CSMD1: variants seen among roughly 807,000 people sequenced by gnomAD.
The protein encoded by CSMD1 is CUB and Sushi multiple domains 1.
In CSMD1, 213 loss-of-function variants were observed where a neutral mutation model predicts 417.5. The ratio of observed to expected loss-of-function variants is 0.51; its 90% CI spans 0.46 to 0.57. CSMD1 has a LOEUF of 0.57. Ranked by LOEUF, CSMD1 falls within the 20% of genes least tolerant of loss-of-function variation. The probability of loss-of-function intolerance (pLI) is 0.00; values close to 1 mark genes in which losing one functional copy is unlikely to be tolerated. For missense variants in CSMD1, 6,923 were observed against 4,529.7 expected (o/e 1.53, Z -15.17); for synonymous variants, 2,862 against 1,736.8 (o/e 1.65, Z -16.11).
At chr8:3,478,773 T>A (rs1234160432) in intron 11 of CSMD1, among the ~76,000 whole-genome samples, 5 of 152,174 alleles carry the variant, frequency 3.3e-5, no homozygotes, top group Non-Finnish European at 7.3e-5. Context: ...GAAGTCTTCA[T>A]GTTCCTTGTG....
intron 12 of CSMD1, among the ~76,000 whole-genome samples, chr8:3,467,924 G>C (rs866454902): frequency 1.3e-5 from 2 of 152,264 alleles, no homozygotes; most frequent in Middle Eastern, 3.4e-3. Context: ...AATTCAAAAA[G>C]TAGAATAAAA....
At chr8:3,970,255 C>T (rs973299324) in intron 5 of CSMD1, among the ~76,000 whole-genome samples, 1 of 152,202 alleles carries the variant, frequency 6.6e-6, no homozygotes, top group African/African-American at 2.4e-5. Context: ...ACTAAACAGA[C>T]CAGAACGCTG....
At chr8:3,066,683 G>A (rs893329630) in intron 49 of CSMD1, among the ~76,000 whole-genome samples, 2 of 152,146 alleles carry the variant, frequency 1.3e-5, no homozygotes, top group African/African-American at 4.8e-5. Flanking sequence ...AAATGGCTCT[G>A]TAGATTCCAA....
At chr8:3,573,058 G>C (rs1192570171) in intron 10 of CSMD1, among the ~76,000 whole-genome samples, 3 of 152,058 alleles carry the variant, frequency 2.0e-5, no homozygotes, top group Non-Finnish European at 4.4e-5. Flanking sequence ...AAATTAATGA[G>C]ATGGCTTAGT....
chr8:3,790,171 A>T (rs1330769450), intron 5 of CSMD1, among the ~76,000 whole-genome samples: 2 of 152,266 alleles, frequency 1.3e-5, no homozygotes, highest in East Asian at 3.8e-4. Flanking sequence ...ATAATTTCAA[A>T]TACATAATCA....
chr8:4,491,094 G>A (rs969578928), intron 2 of CSMD1, among the ~76,000 whole-genome samples: 2 of 152,108 alleles, frequency 1.3e-5, no homozygotes, highest in African/African-American at 4.8e-5. Context: ...AGCTATTAAT[G>A]GGTACTAGGC....
intron 2 of CSMD1, among the ~76,000 whole-genome samples, chr8:4,525,875 T>C (rs913266558): frequency 9.2e-5 from 14 of 152,074 alleles, no homozygotes; most frequent in African/African-American, 3.4e-4. Context: ...ATTCTTCCAG[T>C]CCCACATGCA....
At chr8:4,495,969 T>A (rs1801958373) in intron 2 of CSMD1, among the ~76,000 whole-genome samples, 1 of 152,168 alleles carries the variant, frequency 6.6e-6, no homozygotes, top group African/African-American at 2.4e-5. Context: ...TACTCCAAAG[T>A]GCAAATAGTC....
chr8:3,788,769 T>A (rs1799576387), intron 5 of CSMD1, among the ~76,000 whole-genome samples: 1 of 152,202 alleles, frequency 6.6e-6, no homozygotes, highest in African/African-American at 2.4e-5. Flanking sequence ...TTTCTGAATG[T>A]GTGCATAAGA....
rs58966907 is a variant in CSMD1, at chr8:3,926,082, TACACACACACACACACAC to T, written c.818+71803_818+71820del. Among the ~76,000 whole-genome samples, 196 of 103,992 alleles carry T rather than the reference TACACACACACACACACAC, an allele frequency of 1.9e-3. 6 individuals are homozygous for T. The highest frequency in any genetic ancestry group is 5.7e-3 in the Admixed American group (58 of 10,264). The allele number at this position is 103,992 out of a possible 152,430, so 68.2% of individuals were successfully genotyped here. ...CACACACACACACACACAAACACCA[TACACACACACACACACAC>T]ACACACACACACACACACACACACA... On this transcript the variant is annotated intron_variant, in intron 5 of 69. Transcript: ENST00000635120.
At chr8:3,826,522 G>A (rs1015592152) in intron 5 of CSMD1, among the ~76,000 whole-genome samples, 1 of 152,096 alleles carries the variant, frequency 6.6e-6, no homozygotes, top group Non-Finnish European at 1.5e-5. Flanking sequence ...CACATTTTCA[G>A]ATGTTCTGTC....
chr8:4,626,398 T>A (rs1330621196), intron 2 of CSMD1, among the ~76,000 whole-genome samples: 1 of 151,906 alleles, frequency 6.6e-6, no homozygotes, highest in Non-Finnish European at 1.5e-5. Flanking sequence ...TTATAAAGTA[T>A]GTGGAAGGAA....
At chr8:3,179,136 G>T (rs532589138) in intron 37 of CSMD1, among the ~76,000 whole-genome samples, 2 of 150,896 alleles carry the variant, frequency 1.3e-5, no homozygotes, top group Admixed American at 1.3e-4. Context: ...TAGTAGATAC[G>T]GGGTTTCAAC....
At chr8:4,202,722 A>G (rs1427685579) in intron 3 of CSMD1, among the ~76,000 whole-genome samples, 3 of 152,248 alleles carry the variant, frequency 2.0e-5, no homozygotes, top group Admixed American at 2.0e-4. Context: ...AAGTACTCAA[A>G]TATTTACTTA....
chr8:3,533,680 C>T (rs982131128), intron 10 of CSMD1, among the ~76,000 whole-genome samples: 1 of 152,178 alleles, frequency 6.6e-6, no homozygotes, highest in Admixed American at 6.5e-5. Context: ...TCCACTAACA[C>T]TTATTTCACC....
At chr8:3,304,845 T>C (rs1186308128) in intron 25 of CSMD1, among the ~76,000 whole-genome samples, 3 of 152,106 alleles carry the variant, frequency 2.0e-5, no homozygotes, top group African/African-American at 4.8e-5. Flanking sequence ...TTAATTCCAG[T>C]AAATTAAGCC....
At chr8:3,874,042 C>G (rs896810728) in intron 5 of CSMD1, among the ~76,000 whole-genome samples, 7 of 152,196 alleles carry the variant, frequency 4.6e-5, no homozygotes, top group African/African-American at 1.7e-4. Context: ...ATCTGTAAAG[C>G]TTTCCACTTC....
At chr8:3,151,554 T>A (rs1011191992) in intron 39 of CSMD1, 41 bp from the exon 40 acceptor site, 7 of 1,305,982 alleles carry the variant, frequency 5.4e-6, no homozygotes, top group Middle Eastern at 1.8e-4. Flanking sequence ...GGTCCTCACT[T>A]TCTCCCTGGA....
intron 26 of CSMD1, among the ~76,000 whole-genome samples, chr8:3,262,420 G>A (rs1348234706): frequency 6.6e-6 from 1 of 150,946 alleles, no homozygotes; most frequent in Non-Finnish European, 1.5e-5. Flanking sequence ...CATTGCTGGG[G>A]ATAATGACCA....
Sources: gnomAD v4.1 joint callset for allele counts (sites outside exome capture counted in the v4.1 genomes callset) on GRCh38, gnomAD v4.1.1 for gene constraint, MANE v1.5 for transcripts, NCBI Gene and HGNC (gene_info 2026-07-23, HGNC 2026-07-21) for gene names.